The following MDM4 variants were observed in gnomAD, a reference collection of about 807,000 sequenced individuals.
MDM4 encodes the protein MDM4 regulator of p53, also known as protein Mdm4.
In MDM4, 2 loss-of-function variants were observed where a neutral mutation model predicts 60.2. The observed-to-expected ratio is 0.03, with a 90% CI of 0.01 to 0.10. The LOEUF (loss-of-function observed/expected upper bound fraction) is 0.10, where lower values mean the gene tolerates loss of function less well. MDM4 is among the 10% of genes least tolerant of loss of function. MDM4 has a pLI of 1.00. For synonymous variants in MDM4, 202 were observed against 198.1 expected (o/e 1.02, Z -0.17); for missense variants, 447 against 577.5 (o/e 0.77, Z 2.32).
chr1:204,524,051 G>A (rs1325540361), intron 1 of MDM4, among the ~76,000 whole-genome samples: 3 of 152,178 alleles, frequency 2.0e-5, no homozygotes, highest in African/African-American at 7.2e-5. Context: ...GAGGTGACCA[G>A]GAGTGACTCA....
intron 10 of MDM4, among the ~76,000 whole-genome samples, chr1:204,548,686 T>C (rs1229915946): frequency 6.6e-6 from 1 of 152,192 alleles, no homozygotes; most frequent in African/African-American, 2.4e-5. Context: ...TTAGCTTTCT[T>C]TTTTGCCAAA....
intron 1 of MDM4, among the ~76,000 whole-genome samples, chr1:204,518,710 C>T (rs944748475): frequency 5.9e-5 from 9 of 152,180 alleles, no homozygotes; most frequent in Non-Finnish European, 1.2e-4. Flanking sequence ...CTACCCCTGC[C>T]ACTGGAGTGA....
intron 6 of MDM4, 34 bp downstream of exon 6, chr1:204,537,531 A>G (rs750714928): frequency 5.3e-6 from 8 of 1,497,826 alleles, no homozygotes; most frequent in Middle Eastern, 1.7e-4. Flanking sequence ...CTTTTGTTGT[A>G]CAGAGTGGCC....
intron 5 of MDM4, chr1:204,537,073 A>T: frequency 3.8e-6 from 1 of 261,082 alleles, no homozygotes; most frequent in Non-Finnish European, 7.4e-6. Context: ...GAGTTAGGCG[A>T]ATTTGGTAAT....
chr1:204,526,467 G>GTTTTTT, intron 3 of MDM4, 33 bp downstream of exon 3: 4 of 1,185,280 alleles, frequency 3.4e-6, no homozygotes, highest in Non-Finnish European at 4.7e-6. Flanking sequence ...CATTTTTTTT[G>GTTTTTT]TTTTTTTTTT....
intron 6 of MDM4, chr1:204,537,951 A>G (rs758809368): frequency 1.4e-6 from 1 of 723,540 alleles, no homozygotes; most frequent in Non-Finnish European, 2.6e-6. Flanking sequence ...GTTTATACAG[A>G]TAGCCTGTTT....
chr1:204,531,475 G>T (rs1660847136), intron 4 of MDM4, among the ~76,000 whole-genome samples: 1 of 152,188 alleles, frequency 6.6e-6, no homozygotes, highest in South Asian at 2.1e-4. Flanking sequence ...TAGTAATTTA[G>T]AAGCTCTCTT....
At chr1:204,539,132 G>A (rs1333302223) in intron 7 of MDM4, among the ~76,000 whole-genome samples, 1 of 151,880 alleles carries the variant, frequency 6.6e-6, no homozygotes, top group East Asian at 1.9e-4. Flanking sequence ...GCCTCCCAAA[G>A]TGCTGGGATT....
chr1:204,554,048 G>A lies in MDM4; in HGVS notation c.*4366G>A, dbSNP rs920268687. The A allele has an allele frequency of 4.4e-6, 1 of 227,184 alleles. No homozygotes were observed. The highest frequency in any genetic ancestry group is 8.7e-6 in the Non-Finnish European group (1 of 114,346). The allele number at this position is 227,184 out of a possible 1,614,324, so 14.1% of individuals were successfully genotyped here. A position where few individuals can be genotyped will look rare whatever the true frequency, so the allele number is the denominator to read the frequency against. ...TTAGATGTATGTAGTGCATTGTGTG[G>A]TATTATTTGGTTTGTAAGAATTTAT... On this transcript the variant is annotated 3_prime_UTR_variant, in exon 11 of 11. Coordinates refer to ENST00000367182, the MANE Select transcript of MDM4 (RefSeq NM_002393.5).
At chr1:204,537,893 G>GA (rs1661580201) in intron 6 of MDM4, 1 of 681,362 alleles carries the variant, frequency 1.5e-6, no homozygotes, top group Admixed American at 1.8e-5. Context: ...CGTGGCGAGG[G>GA]TTTCATATGT....
rs1438536723 is a variant in MDM4, at chr1:204,549,517, A to G, written c.1308A>G (p.Pro436=). 3 of 1,612,306 alleles carry G rather than the reference A, an allele frequency of 1.9e-6. No individual in the cohort carries two copies. Among genetic ancestry groups the G allele is most frequent in the Admixed American group, 3.4e-5 (2 of 59,498 alleles). ...NMEDCQNLLK[P]CSLCEKRPRD... is the part of the protein sequence containing the mutation. ...AGGATTGCCAGAATCTCTTGAAGCC[A>G]TGTAGCTTATGTGAGAAAAGACCAC... The change falls in exon 11 of 11, where the codon CCA becomes CCG. Residue 436 remains proline, a synonymous_variant. Coordinates refer to ENST00000367182, the MANE Select transcript of MDM4 (RefSeq NM_002393.5).
chr1:204,539,630 G>A (rs563117085), intron 7 of MDM4, among the ~76,000 whole-genome samples: 17 of 147,028 alleles, frequency 1.2e-4, no homozygotes, highest in African/African-American at 3.7e-4. Flanking sequence ...TCCACCTCCC[G>A]TGTTCAAGCG....
intron 1 of MDM4, among the ~76,000 whole-genome samples, chr1:204,517,433 C>CGCTCTTTTTGCCCAGGCTGGCGT (rs1457073209): frequency 1.3e-5 from 2 of 151,544 alleles, no homozygotes; most frequent in Non-Finnish European, 2.9e-5. Context: ...AGTGGAGTTT[C>CGCTCTTTTTGCCCAGGCTGGCGT]GCTCTTTTTG....
Position 204,549,743 on chromosome 1 carries a change from A to G in MDM4, c.*61A>G, listed in dbSNP as rs376472181. ...CACTTACCACATTATTTGAAAATCAATCCTTTATTTAATTTTATTTCCAAC... is the reference window on the plus strand; with the variant it reads ...CACTTACCACATTATTTGAAAATCAGTCCTTTATTTAATTTTATTTCCAAC... On this transcript the variant is annotated 3_prime_UTR_variant, in exon 11 of 11. Coordinates refer to ENST00000367182, the MANE Select transcript of MDM4 (RefSeq NM_002393.5). The G allele has an allele frequency of 9.4e-4, 980 of 1,046,538 alleles. 1 individual carries two copies. The highest frequency in any genetic ancestry group is 7.3e-3 in the Middle Eastern group (34 of 4,628). 64.8% of individuals were successfully genotyped at this position (1,046,538 alleles called of 1,614,324 possible).
At chr1:204,524,498 G>T (rs561267912) in intron 1 of MDM4, among the ~76,000 whole-genome samples, 1 of 152,366 alleles carries the variant, frequency 6.6e-6, no homozygotes, top group South Asian at 2.1e-4. Flanking sequence ...CTATTTTCCG[G>T]CTGGGCATGG....
intron 7 of MDM4, among the ~76,000 whole-genome samples, 162 bp from the exon 8 acceptor site, chr1:204,542,622 T>G (rs546757984): frequency 1.3e-4 from 20 of 152,216 alleles, no homozygotes; most frequent in Admixed American, 2.0e-4. Flanking sequence ...GGAGGAGATT[T>G]GAGCTCTGCC....
chr1:204,545,995 C>T (rs547835400), intron 9 of MDM4, among the ~76,000 whole-genome samples: 22 of 152,044 alleles, frequency 1.4e-4, no homozygotes, highest in Non-Finnish European at 2.5e-4. Flanking sequence ...TAGAACACTC[C>T]TTACTTTTGA....
At chr1:204,546,656 C>G (rs1279582099) in intron 9 of MDM4, 141 bp from the exon 10 acceptor site, 5 of 584,732 alleles carry the variant, frequency 8.6e-6, no homozygotes, top group African/African-American at 3.8e-5. Flanking sequence ...TTTGGTCTTG[C>G]ATTTAAGCTG....
intron 3 of MDM4, chr1:204,528,785 G>C (rs2169137): frequency 0.75 from 779,175 of 1,037,618 alleles, 294,697 homozygotes; most frequent in East Asian, 0.96. Flanking sequence ...ACGTACTTCT[G>C]TCACTCTAGG....
Sources: gnomAD v4.1 joint callset for allele counts (sites outside exome capture counted in the v4.1 genomes callset) on GRCh38, gnomAD v4.1.1 for gene constraint, MANE v1.5 for transcripts, NCBI Gene and HGNC (gene_info 2026-07-23, HGNC 2026-07-21) for gene names.